Variants in PABIR2 observed in about 807,000 individuals in gnomAD.
PABIR2 encodes family with sequence similarity 122B.
Under a neutral mutation model 22.8 loss-of-function variants are expected in PABIR2, and 7 were observed. That is an observed-to-expected ratio of 0.31 (90% CI 0.17 to 0.58). The LOEUF (loss-of-function observed/expected upper bound fraction) is 0.58, where lower values mean the gene tolerates loss of function less well. Ranked by LOEUF, PABIR2 falls within the 20% of genes least tolerant of loss-of-function variation. The probability of loss-of-function intolerance (pLI) is 0.89; values close to 1 mark genes in which losing one functional copy is unlikely to be tolerated. For missense variants in PABIR2, 155 were observed against 205.1 expected, an observed-to-expected ratio of 0.76 and a Z score of 1.49; for synonymous variants, 67 against 73.8, an observed-to-expected ratio of 0.91 and a Z score of 0.47.
chrX:134,783,577 T>C (rs1387633732), intron 8 of PABIR2, among the ~76,000 whole-genome samples: 6 of 110,536 alleles, frequency 5.4e-5, no homozygotes, highest in African/African-American at 2.0e-4. Flanking sequence ...AATACAAAAT[T>C]CTCTGGGCGT....
chrX:134,790,236 T>C (rs1426932489), intron 2 of PABIR2, among the ~76,000 whole-genome samples: 1 of 112,225 alleles, frequency 8.9e-6, no homozygotes, highest in Non-Finnish European at 1.9e-5. Context: ...ACTGATGCTT[T>C]CCCTTAGATC....
chrX:134,787,596 C>T (rs1196531880), intron 6 of PABIR2, 63 bp from the exon 7 acceptor site: 2 of 736,834 alleles, frequency 2.7e-6, no homozygotes, highest in Non-Finnish European at 3.9e-6. Flanking sequence ...AGTTCTAGCA[C>T]TCCAGTTTTC....
At chrX:134,794,693 A>G (rs965619409) in intron 1 of PABIR2, among the ~76,000 whole-genome samples, 1 of 112,244 alleles carries the variant, frequency 8.9e-6, no homozygotes, top group Non-Finnish European at 1.9e-5. Context: ...ATATCCCTGC[A>G]GTGCCTAGCA....
At chrX:134,776,780 C>T (rs1431068892) in intron 9 of PABIR2, among the ~76,000 whole-genome samples, 1 of 111,880 alleles carries the variant, frequency 8.9e-6, no homozygotes, top group Non-Finnish European at 1.9e-5. Flanking sequence ...GCTGTAAAAG[C>T]CATCTCTCCT....
chrX:134,771,855 T>C lies in PABIR2; in HGVS notation c.*284A>G. Reference sequence around the variant, plus strand: ...ATGTATAGACTCAAAATAGGTGTTTTTTGAGGCACTAAGAAAAAAGATTCC... The same window carrying C: ...ATGTATAGACTCAAAATAGGTGTTTCTTGAGGCACTAAGAAAAAAGATTCC... On this transcript the variant is annotated 3_prime_UTR_variant, in exon 10 of 10. Transcript: ENST00000343004. 1 of 885,813 alleles carries C rather than the reference T, an allele frequency of 1.1e-6. No homozygotes were observed. The highest frequency in any genetic ancestry group is 1.4e-6 in the Non-Finnish European group (1 of 723,560). The allele number at this position is 885,813 out of a possible 1,213,427, so 73.0% of individuals were successfully genotyped here.
At chrX:134,775,078 T>A (rs1157072351) in intron 9 of PABIR2, among the ~76,000 whole-genome samples, 1 of 112,400 alleles carries the variant, frequency 8.9e-6, no homozygotes, top group Non-Finnish European at 1.9e-5. Context: ...GAAGTGCTAA[T>A]GAGCCTTACT....
chrX:134,780,343 A>C (rs1405794057), intron 9 of PABIR2, among the ~76,000 whole-genome samples: 1 of 112,180 alleles, frequency 8.9e-6, no homozygotes, highest in East Asian at 2.8e-4. Flanking sequence ...TGGGAGGCCG[A>C]GGTGGGCGGA....
At chrX:134,787,666 A>T in intron 6 of PABIR2, 133 bp from the exon 7 acceptor site, 1 of 565,066 alleles carries the variant, frequency 1.8e-6, no homozygotes. Flanking sequence ...CTCAAGCTGG[A>T]GTGCAGTGAT....
At chrX:134,788,893 A>G (rs1603050624) in intron 5 of PABIR2, 62 bp from the exon 6 acceptor site, 3 of 1,033,856 alleles carry the variant, frequency 2.9e-6, no homozygotes, top group East Asian at 3.1e-5. Flanking sequence ...CTTACTTACT[A>G]CTATAACACA....
intron 2 of PABIR2, among the ~76,000 whole-genome samples, chrX:134,790,978 G>A (rs2079530863): frequency 8.9e-6 from 1 of 112,109 alleles, no homozygotes; most frequent in South Asian, 3.7e-4. Flanking sequence ...GCGCAGACGT[G>A]TCACTTAGGG....
chrX:134,789,475 C>A (rs2079483514), intron 3 of PABIR2, 105 bp downstream of exon 3: 1 of 863,338 alleles, frequency 1.2e-6, no homozygotes, highest in Non-Finnish European at 1.7e-6. Flanking sequence ...TAATCTGTCT[C>A]CAACTAACCA....
intron 9 of PABIR2, among the ~76,000 whole-genome samples, chrX:134,777,168 T>C (rs2079000886): frequency 8.9e-6 from 1 of 112,263 alleles, no homozygotes; most frequent in Non-Finnish European, 1.9e-5. Flanking sequence ...ACACAGCTGA[T>C]TCCTATCTCT....
At chrX:134,779,636 TTC>T (rs1467607748) in intron 9 of PABIR2, among the ~76,000 whole-genome samples, 1 of 111,703 alleles carries the variant, frequency 9.0e-6, no homozygotes. Flanking sequence ...ATACTGCACC[TTC>T]TCTTTCCTTT....
At chrX:134,772,375 T>A in intron 9 of PABIR2, 92 bp from the exon 10 acceptor site, 1 of 872,532 alleles carries the variant, frequency 1.1e-6, no homozygotes, top group Non-Finnish European at 1.6e-6. Context: ...CACAAATCAG[T>A]AAATCACTTG....
At chrX:134,793,498 C>T in intron 2 of PABIR2, 1 of 337,908 alleles carries the variant, frequency 3.0e-6, no homozygotes, top group Non-Finnish European at 5.4e-6. Flanking sequence ...GTGCATCCTA[C>T]GACAAATGAA....
Position 134,785,873 on chromosome X carries a change from C to T in PABIR2, c.562+13G>A, listed in dbSNP as rs1484023426. On this transcript the variant is annotated intron_variant, in intron 8 of 9. Transcript: ENST00000343004. ...ACAGTAGCATTAGCTATAGTCACCA[C>T]GCTGCTACATACCTTTTCTTTTAAG... 5.0e-6 allele frequency: 6 copies of T among 1,202,653 alleles called. No homozygotes were observed. The East Asian group carries it at 8.9e-5, about 18-fold the overall frequency.
In PABIR2 at chrX:134,770,885, C is replaced by A. The variant is rs1442553540; in HGVS notation, c.*1254G>T. ...AAAGCAGAATGCACAATCACATTGA[C>A]TTTTTCAGCTTCTAAAAGCTTCTTT... On this transcript the variant is annotated 3_prime_UTR_variant, in exon 10 of 10. Coordinates refer to ENST00000343004, the MANE Select transcript of PABIR2 (RefSeq NM_001387468.1). 2.6e-5 allele frequency: 3 copies of A among 117,570 alleles called. No individual in the cohort carries two copies. The highest frequency in any genetic ancestry group is 9.6e-5 in the African/African-American group (3 of 31,184). 9.7% of individuals were successfully genotyped at this position (117,570 alleles called of 1,213,427 possible). A position where few individuals can be genotyped will look rare whatever the true frequency, so the allele number is the denominator to read the frequency against.
rs1388296362 is a variant in PABIR2, at chrX:134,770,881, T to C, written c.*1258A>G. 8.5e-6 allele frequency: 1 copy of C among 117,167 alleles called. No individual in the cohort carries two copies. 9.7% of individuals were successfully genotyped at this position (117,167 alleles called of 1,213,427 possible). ...CTTAAAAGCAGAATGCACAATCACA[T>C]TGACTTTTTCAGCTTCTAAAAGCTT... On this transcript the variant is annotated 3_prime_UTR_variant, in exon 10 of 10. Transcript: ENST00000343004.
chrX:134,771,977 T>C lies in PABIR2; in HGVS notation c.*162A>G. On this transcript the variant is annotated 3_prime_UTR_variant, in exon 10 of 10. Coordinates refer to ENST00000343004, the MANE Select transcript of PABIR2 (RefSeq NM_001387468.1). ...TAGTAAGGTCACTAGGCTCACAAAA[T>C]TGAACTTTGGAGAAGAGAGATGCCA... is the stretch of plus-strand genomic sequence containing the variant. The C allele has an allele frequency of 2.0e-6, 2 of 976,412 alleles. No individual in the cohort carries two copies. The highest frequency in any genetic ancestry group is 2.6e-6 in the Non-Finnish European group (2 of 776,666). 80.5% of individuals were successfully genotyped at this position (976,412 alleles called of 1,213,427 possible).
Sources: gnomAD v4.1 joint callset for allele counts (sites outside exome capture counted in the v4.1 genomes callset) on GRCh38, gnomAD v4.1.1 for gene constraint, MANE v1.5 for transcripts, NCBI Gene and HGNC (gene_info 2026-07-23, HGNC 2026-07-21) for gene names.